The following SGMS1 variants were observed in gnomAD, a reference collection of about 807,000 sequenced individuals.
The protein encoded by SGMS1 is sphingomyelin synthase 1, also known as phosphatidylcholine:ceramide cholinephosphotransferase 1.
SGMS1 carries 13 observed loss-of-function variants against 46.2 expected under a neutral mutation model. The ratio of observed to expected loss-of-function variants is 0.28; its 90% confidence interval spans 0.18 to 0.45. SGMS1 has a LOEUF of 0.45. Ranked by LOEUF, SGMS1 falls within the 20% of genes least tolerant of loss-of-function variation. SGMS1 has a pLI of 1.00. For missense variants in SGMS1, 324 were observed against 519.9 expected (o/e 0.62, Z 3.66); for synonymous variants, 203 against 187.8 (o/e 1.08, Z -0.66).
chr10:50,611,994 C>T (rs1218329366), intron 1 of SGMS1, among the ~76,000 whole-genome samples: 1 of 152,224 alleles, frequency 6.6e-6, no homozygotes, highest in Non-Finnish European at 1.5e-5. Flanking sequence ...TTTCTCCTGC[C>T]TCTGCTGCTT....
At chr10:50,428,872 T>A (rs1009471967) in intron 6 of SGMS1, among the ~76,000 whole-genome samples, 8 of 152,218 alleles carry the variant, frequency 5.3e-5, no homozygotes, top group Admixed American at 2.0e-4. Flanking sequence ...TCATCAAAAA[T>A]GCATTTACTA....
chr10:50,455,231 A>G lies in SGMS1; in HGVS notation c.-313+5442T>C, dbSNP rs555212307. Among the ~76,000 whole-genome samples the G allele has an allele frequency of 2.6e-5, 4 of 152,314 alleles. No individual in the cohort carries two copies. The South Asian group carries it at 8.3e-4, about 32-fold the overall frequency. ...ACATCTTGTTGAATGTCACCCCAAC[A>G]GTTGTAGCCATATACACAGTTCATA... is the stretch of plus-strand genomic sequence containing the variant. On this transcript the variant is annotated intron_variant, in intron 5 of 10. Transcript: ENST00000361781.
At chr10:50,514,119 A>G (rs567685902) in intron 3 of SGMS1, among the ~76,000 whole-genome samples, 2 of 152,338 alleles carry the variant, frequency 1.3e-5, no homozygotes, top group South Asian at 4.1e-4. Context: ...AATGCAGTTC[A>G]TGGCAATTAC....
At chr10:50,364,021 GGAGA>G (rs1848295071) in intron 6 of SGMS1, among the ~76,000 whole-genome samples, 1 of 151,822 alleles carries the variant, frequency 6.6e-6, no homozygotes, top group Non-Finnish European at 1.5e-5. Flanking sequence ...ACCACAAAAA[GGAGA>G]GAGAATTTTA....
In SGMS1 at chr10:50,487,065, C is replaced by A. The variant is rs183933130; in HGVS notation, c.-497-20133G>T. ...AGCCATCTAATGTAGAAACAGAAAC[C>A]CAAATACCGCATGTTCTCACTTATA... On this transcript the variant is annotated intron_variant, in intron 3 of 10. Coordinates refer to ENST00000361781, the MANE Select transcript of SGMS1 (RefSeq NM_147156.4). 3.3e-5 allele frequency among the ~76,000 whole-genome samples: 5 copies of A among 152,206 alleles called. No individual in the cohort carries two copies. In the South Asian group the frequency reaches 1.0e-3, roughly 32 times the overall value.
intron 8 of SGMS1, among the ~76,000 whole-genome samples, chr10:50,326,028 G>A (rs977574038): frequency 1.3e-4 from 20 of 152,052 alleles, no homozygotes; most frequent in Admixed American, 6.5e-4. Flanking sequence ...TTGGAAGGGC[G>A]AAAGAAACTG....
chr10:50,586,447 A>G (rs1043271697), intron 2 of SGMS1, among the ~76,000 whole-genome samples: 1 of 152,234 alleles, frequency 6.6e-6, no homozygotes. Flanking sequence ...ATTGATAACT[A>G]TACTACAGGC....
intron 6 of SGMS1, among the ~76,000 whole-genome samples, chr10:50,427,299 T>A (rs1326989333): frequency 1.3e-5 from 2 of 152,130 alleles, no homozygotes; most frequent in Non-Finnish European, 2.9e-5. Context: ...CTCCGGAGGC[T>A]GAGGCAGGAG....
chr10:50,586,573 G>A (rs1323585458), intron 2 of SGMS1, among the ~76,000 whole-genome samples: 2 of 152,226 alleles, frequency 1.3e-5, no homozygotes, highest in Non-Finnish European at 2.9e-5. Context: ...GTTCTGCACA[G>A]TCTCCTTGGA....
chr10:50,351,570 C>A (rs1445622844), intron 6 of SGMS1, among the ~76,000 whole-genome samples: 1 of 152,138 alleles, frequency 6.6e-6, no homozygotes, highest in Non-Finnish European at 1.5e-5. Flanking sequence ...AAATCATGGG[C>A]AGTTTCCTCC....
chr10:50,344,343 C>T lies in SGMS1; in HGVS notation c.-229G>A, dbSNP rs1847878764. ...ACCTCATTTTTGAGCAGGATTCTTC[C>T]TTCTGTGAAAGCAAGAGAAAATATC... On this transcript the variant is annotated splice_region_variant and 5_prime_UTR_variant, in exon 7 of 11. Transcript: ENST00000361781. 4.1e-6 allele frequency: 2 copies of T among 484,976 alleles called. No individual in the cohort carries two copies. Among genetic ancestry groups the T allele is most frequent in the South Asian group, 9.8e-5 (2 of 20,454 alleles). 30.0% of individuals were successfully genotyped at this position (484,976 alleles called of 1,614,324 possible).
Position 50,442,184 on chromosome 10 carries a change from A to ATT in SGMS1, c.-312-8630_-312-8629dup, listed in dbSNP as rs11397144. 5.6e-3 allele frequency among the ~76,000 whole-genome samples: 819 copies of ATT among 147,324 alleles called. 7 individuals are homozygous for ATT. The highest frequency in any genetic ancestry group is 0.016 in the African/African-American group (649 of 40,182). ...ATAATACTGACTTTTTCTGCTGTAG[A>ATT]TTTTTTTTTTTTTTACTTTTGAGTT... On this transcript the variant is annotated intron_variant, in intron 5 of 10. Transcript: ENST00000361781.
At position 50,623,936 on chromosome 10, in the gene SGMS1, C is replaced by T; in HGVS notation, c.-913G>A. The T allele has an allele frequency of 1.0e-6, 1 of 986,440 alleles. No individual in the cohort carries two copies. Among genetic ancestry groups the T allele is most frequent in the Non-Finnish European group, 1.2e-6 (1 of 830,812 alleles). 61.1% of individuals were successfully genotyped at this position (986,440 alleles called of 1,614,324 possible). A position where few individuals can be genotyped will look rare whatever the true frequency, so the allele number is the denominator to read the frequency against. On this transcript the variant is annotated 5_prime_UTR_variant, in exon 1 of 11. Coordinates refer to ENST00000361781, the MANE Select transcript of SGMS1 (RefSeq NM_147156.4). ...CGCTGGTGCGAACGCTTTCGACTTG[C>T]CACCGCGAGCCTCCCGGGCTGCCGA...
intron 4 of SGMS1, among the ~76,000 whole-genome samples, chr10:50,463,809 G>C (rs912222071): frequency 1.3e-5 from 2 of 152,086 alleles, no homozygotes; most frequent in African/African-American, 4.8e-5. Context: ...AGAAAACATG[G>C]TATATACATA....
At chr10:50,353,716 A>T (rs1391768917) in intron 6 of SGMS1, among the ~76,000 whole-genome samples, 3 of 152,406 alleles carry the variant, frequency 2.0e-5, no homozygotes, top group Non-Finnish European at 1.5e-5. Context: ...AAATCTCCTT[A>T]AGCTGATAGG....
At chr10:50,338,644 G>C (rs1168838301) in intron 7 of SGMS1, among the ~76,000 whole-genome samples, 1 of 151,332 alleles carries the variant, frequency 6.6e-6, no homozygotes. Context: ...TCTAGAAAGA[G>C]TTCAGCCCTT....
intron 6 of SGMS1, among the ~76,000 whole-genome samples, chr10:50,432,826 A>T (rs1156509273): frequency 2.0e-5 from 3 of 152,350 alleles, no homozygotes; most frequent in Non-Finnish European, 4.4e-5. Flanking sequence ...ACTACTAAAA[A>T]GCACAAGAGC....
chr10:50,444,090 CAT>C (rs1165559545), intron 5 of SGMS1, among the ~76,000 whole-genome samples: 1 of 151,876 alleles, frequency 6.6e-6, no homozygotes, highest in East Asian at 1.9e-4. Flanking sequence ...AAGGATAAGA[CAT>C]ATAGGAAACA....
rs545202087 is a variant in SGMS1, at chr10:50,621,245, A to G, written c.-684+2462T>C. 2.0e-5 allele frequency among the ~76,000 whole-genome samples: 3 copies of G among 152,318 alleles called. No homozygotes were observed. In the South Asian group the frequency reaches 6.2e-4, roughly 32 times the overall value. On this transcript the variant is annotated intron_variant, in intron 1 of 10. Coordinates refer to ENST00000361781, the MANE Select transcript of SGMS1 (RefSeq NM_147156.4). Reference sequence around the variant, plus strand: ...GTCAGGAGTCCGTTTGGTTTTCATGACGTATGTTAACAAAGCACACCATTT... The same window carrying G: ...GTCAGGAGTCCGTTTGGTTTTCATGGCGTATGTTAACAAAGCACACCATTT...
Sources: gnomAD v4.1 joint callset for allele counts (sites outside exome capture counted in the v4.1 genomes callset) on GRCh38, gnomAD v4.1.1 for gene constraint, MANE v1.5 for transcripts, NCBI Gene and HGNC (gene_info 2026-07-23, HGNC 2026-07-21) for gene names.